Variants in CEMIP observed in about 807,000 individuals in gnomAD.
CEMIP encodes cell migration-inducing and hyaluronan-binding protein.
A neutral mutation model predicts 156.9 loss-of-function variants in CEMIP; 105 were observed. The ratio of observed to expected loss-of-function variants is 0.67; its 90% confidence interval spans 0.57 to 0.79. The LOEUF is 0.79. Ranked by LOEUF, CEMIP falls within the 30% of genes least tolerant of loss-of-function variation. The probability of loss-of-function intolerance (pLI) is 0.00; values close to 1 mark genes in which losing one functional copy is unlikely to be tolerated. For missense variants in CEMIP, 1,457 were observed against 1,769.4 expected, an observed-to-expected ratio of 0.82 and a Z score of 3.17; for synonymous variants, 676 against 668.4, an observed-to-expected ratio of 1.01 and a Z score of -0.17.
At chr15:80,947,536 C>T (rs926253690) in intron 29 of CEMIP, 1 of 169,140 alleles carries the variant, frequency 5.9e-6, no homozygotes, top group African/African-American at 2.4e-5. Context: ...ACCTACATGG[C>T]TTGTCCAAGG....
At chr15:80,864,763 G>A (rs2141778348) in intron 1 of CEMIP, among the ~76,000 whole-genome samples, 1 of 152,328 alleles carries the variant, frequency 6.6e-6, no homozygotes, top group African/African-American at 2.4e-5. Context: ...TGGCTGACAA[G>A]TGTCTGTTTG....
intron 1 of CEMIP, among the ~76,000 whole-genome samples, chr15:80,842,443 A>C (rs1162023514): frequency 6.6e-6 from 1 of 152,112 alleles, no homozygotes; most frequent in Non-Finnish European, 1.5e-5. Flanking sequence ...GATAAAGAGA[A>C]ATCCGGGGTT....
chr15:80,859,781 G>A (rs1897940333), intron 1 of CEMIP, among the ~76,000 whole-genome samples: 1 of 152,192 alleles, frequency 6.6e-6, no homozygotes, highest in Non-Finnish European at 1.5e-5. Context: ...GGATAGTGGA[G>A]GGAAAAAGCA....
At chr15:80,871,113 A>G (rs1898274798) in intron 1 of CEMIP, among the ~76,000 whole-genome samples, 1 of 152,228 alleles carries the variant, frequency 6.6e-6, no homozygotes, top group African/African-American at 2.4e-5. Flanking sequence ...CCAATGGAGA[A>G]TGCTGTCCTC....
Position 80,949,079 on chromosome 15 carries a change from A to G in CEMIP, c.*155A>G, listed in dbSNP as rs546761565. 16,007 of 998,780 alleles carry G rather than the reference A, an allele frequency of 0.016. 200 individuals are homozygous for G. Among genetic ancestry groups the G allele is most frequent in the Non-Finnish European group, 0.02 (12,979 of 645,696 alleles). The allele number at this position is 998,780 out of a possible 1,614,324, so 61.9% of individuals were successfully genotyped here. A position where few individuals can be genotyped will look rare whatever the true frequency, so the allele number is the denominator to read the frequency against. ...ATGGGCCAAGGGAAGGCTATCAGAG[A>G]CCCTGGTGCTGCCACCTGCCCCTAC... is the stretch of plus-strand genomic sequence containing the variant. On this transcript the variant is annotated 3_prime_UTR_variant, in exon 30 of 30. Transcript: ENST00000394685.
rs1898544687 is a variant in CEMIP at position 80,878,588 on chromosome 15, A to C, written c.95-133A>C. The C allele has an allele frequency of 4.4e-6, 5 of 1,148,794 alleles. No individual in the cohort carries two copies. The South Asian group carries it at 6.6e-5, about 15-fold the overall frequency. The allele number at this position is 1,148,794 out of a possible 1,614,324, so 71.2% of individuals were successfully genotyped here. ...TGTCAGGAGGTCTCTCAGCTCTCTA[A>C]GGTCTTGCTTTTAGCTCTAACAGAG... is the stretch of plus-strand genomic sequence containing the variant. On this transcript the variant is annotated intron_variant, in intron 3 of 29. Transcript: ENST00000394685.
At chr15:80,875,565 T>A (rs577771730) in intron 3 of CEMIP, among the ~76,000 whole-genome samples, 9 of 152,290 alleles carry the variant, frequency 5.9e-5, no homozygotes, top group African/African-American at 2.2e-4. Context: ...GCACCTCTCT[T>A]GCTGTTTGCC....
intron 1 of CEMIP, among the ~76,000 whole-genome samples, chr15:80,794,081 G>C (rs1310702054): frequency 6.6e-6 from 1 of 152,184 alleles, no homozygotes; most frequent in East Asian, 1.9e-4. Context: ...TGAGGTCAAA[G>C]ACCCTCCAGC....
chr15:80,919,965 C>T lies in CEMIP; in HGVS notation c.1798-129C>T, dbSNP rs183492145. ...TGTTTGTTGAATGAATGAATGAGCA[C>T]ATGAGACTATTTAGTGTTTGCTGAA... On this transcript the variant is annotated intron_variant, in intron 14 of 29. Coordinates refer to ENST00000394685, the MANE Select transcript of CEMIP (RefSeq NM_001293298.2). 5.8e-6 allele frequency: 5 copies of T among 868,370 alleles called. No homozygotes were observed. In the African/African-American group the frequency reaches 8.3e-5, roughly 14 times the overall value. The allele number at this position is 868,370 out of a possible 1,614,324, so 53.8% of individuals were successfully genotyped here. A position where few individuals can be genotyped will look rare whatever the true frequency, so the allele number is the denominator to read the frequency against.
chr15:80,843,774 T>C (rs1159087261), intron 1 of CEMIP, among the ~76,000 whole-genome samples: 1 of 152,158 alleles, frequency 6.6e-6, no homozygotes, highest in Non-Finnish European at 1.5e-5. Flanking sequence ...ATGAAGGGGC[T>C]CTTCCTCTGG....
At chr15:80,795,737 C>T (rs566723554) in intron 1 of CEMIP, among the ~76,000 whole-genome samples, 1 of 151,954 alleles carries the variant, frequency 6.6e-6, no homozygotes, top group East Asian at 1.9e-4. Flanking sequence ...AGTTCAAGGC[C>T]AGCCTGGGCA....
At chr15:80,885,333 G>A (rs2141836919) in intron 7 of CEMIP, among the ~76,000 whole-genome samples, 1 of 152,262 alleles carries the variant, frequency 6.6e-6, no homozygotes, top group African/African-American at 2.4e-5. Flanking sequence ...GCAAGGGAGG[G>A]GTGCTCCAGG....
In CEMIP at chr15:80,906,843, G is replaced by A. The variant is rs767981196; in HGVS notation, c.1587+5G>A. ...ACCTTTGGGGGCCACATCAAGGTAT[G>A]TGTCTCTCTGGCAGAGTCTTTCAAC... On this transcript the variant is annotated splice_donor_5th_base_variant and intron_variant, in intron 13 of 29. Coordinates refer to ENST00000394685, the MANE Select transcript of CEMIP (RefSeq NM_001293298.2). This position sits in a 1 kb window ranked among gnomAD's most constrained non-coding sequence, Gnocchi z 4.3. The A allele has an allele frequency of 1.2e-6, 2 of 1,609,376 alleles. No individual in the cohort carries two copies. The highest frequency in any genetic ancestry group is 1.7e-5 in the Admixed American group (1 of 59,004).
intron 1 of CEMIP, among the ~76,000 whole-genome samples, chr15:80,793,276 T>A (rs1896129178): frequency 6.6e-6 from 1 of 152,230 alleles, no homozygotes; most frequent in South Asian, 2.1e-4. Context: ...TCTCTGAAAC[T>A]GGAAGATGTT....
At chr15:80,911,477 G>T (rs1380619759) in intron 14 of CEMIP, among the ~76,000 whole-genome samples, 1 of 152,116 alleles carries the variant, frequency 6.6e-6, no homozygotes, top group Non-Finnish European at 1.5e-5. Flanking sequence ...TGTAATTACA[G>T]ATCTGGAGCA....
chr15:80,849,910 G>C (rs927566487), intron 1 of CEMIP, among the ~76,000 whole-genome samples: 4 of 152,238 alleles, frequency 2.6e-5, no homozygotes, highest in Non-Finnish European at 5.9e-5. Context: ...ATACATGCTA[G>C]AGATGAGTTG....
At chr15:80,897,226 A>G (rs1041157405) in intron 12 of CEMIP, 1 of 455,560 alleles carries the variant, frequency 2.2e-6, no homozygotes, top group Non-Finnish European at 4.4e-6. Flanking sequence ...AAGACCATGG[A>G]TTGAGAAAGC....
At chr15:80,854,667 CTT>C (rs1897802502) in intron 1 of CEMIP, among the ~76,000 whole-genome samples, 2 of 152,272 alleles carry the variant, frequency 1.3e-5, no homozygotes, top group African/African-American at 4.8e-5. Flanking sequence ...TATGTTATCT[CTT>C]TGAATCCTCT....
intron 1 of CEMIP, among the ~76,000 whole-genome samples, chr15:80,804,920 C>T (rs145300481): frequency 3.3e-5 from 5 of 152,284 alleles, no homozygotes; most frequent in African/African-American, 1.2e-4. Flanking sequence ...ATTCATCGCT[C>T]ATGTAGAAGG....
Sources: allele counts gnomAD v4.1 joint callset (sites outside exome capture counted in the v4.1 genomes callset), GRCh38; gene constraint gnomAD v4.1.1; non-coding constraint Gnocchi (gnomAD v3.1); transcripts MANE v1.5; gene names NCBI Gene and HGNC (gene_info 2026-07-23, HGNC 2026-07-21).